Variants in GLDC observed in about 807,000 individuals in gnomAD.
GLDC encodes glycine dehydrogenase (decarboxylating), mitochondrial.
GLDC carries 104 observed loss-of-function variants against 121.3 expected under a neutral mutation model. The ratio of observed to expected loss-of-function variants is 0.86; its 90% CI spans 0.73 to 1.01. GLDC has a LOEUF of 1.01. Ranked by LOEUF, GLDC falls within the 50% of genes least tolerant of loss-of-function variation. The probability of loss-of-function intolerance (pLI) is 0.00; values close to 1 mark genes in which losing one functional copy is unlikely to be tolerated. For synonymous variants in GLDC, 546 were observed against 480.6 expected (o/e 1.14, Z -1.78); for missense variants, 1,429 against 1,306.6 (o/e 1.09, Z -1.44).
At chr9:6,597,943 A>G (rs529924641) in intron 8 of GLDC, among the ~76,000 whole-genome samples, 6 of 152,294 alleles carry the variant, frequency 3.9e-5, no homozygotes, top group East Asian at 1.9e-4. Flanking sequence ...CAAAAAAAAA[A>G]GAAATAAGAG....
intron 7 of GLDC, among the ~76,000 whole-genome samples, chr9:6,603,940 G>C (rs555591200): frequency 6.6e-6 from 1 of 151,958 alleles, no homozygotes; most frequent in African/African-American, 2.4e-5. Flanking sequence ...ATATTGGCCA[G>C]GCTCGTCTGG....
intron 2 of GLDC, among the ~76,000 whole-genome samples, chr9:6,636,632 C>A (rs1054310957): frequency 1.3e-5 from 2 of 151,978 alleles, no homozygotes; most frequent in African/African-American, 2.4e-5. Context: ...AAAAATTAGC[C>A]GGGCATGGTG....
chr9:6,539,009 A>T (rs530105714), intron 22 of GLDC, among the ~76,000 whole-genome samples: 2 of 152,212 alleles, frequency 1.3e-5, no homozygotes, highest in East Asian at 3.8e-4. Flanking sequence ...TGGGATTCCC[A>T]TTATGATGCA....
chr9:6,546,482 G>T (rs1817391660), intron 21 of GLDC, among the ~76,000 whole-genome samples: 1 of 150,974 alleles, frequency 6.6e-6, no homozygotes, highest in Non-Finnish European at 1.5e-5. Flanking sequence ...TTGCAGGCAT[G>T]AGCCACAGCA....
Position 6,558,545 on chromosome 9 carries a change from GAGA to G in GLDC, c.2052+11_2052+13del, listed in dbSNP as rs745711596. 3.7e-6 allele frequency: 6 copies of G among 1,613,984 alleles called. No homozygotes were observed. In the African/African-American group the frequency reaches 8.0e-5, roughly 22 times the overall value. On this transcript the variant is annotated intron_variant, in intron 17 of 24. Coordinates refer to ENST00000321612, the MANE Select transcript of GLDC (RefSeq NM_000170.3). ...ATCCCGGCCTCTCCCATCTGCTAAGGAGAAGACAAGTACCATGGCCTTGAGGTG... is the reference window on the plus strand; with the variant it reads ...ATCCCGGCCTCTCCCATCTGCTAAGGAGACAAGTACCATGGCCTTGAGGTG...
intron 3 of GLDC, 22 bp downstream of exon 3, chr9:6,620,162 C>A: frequency 6.2e-7 from 1 of 1,610,386 alleles, no homozygotes; most frequent in South Asian, 1.1e-5. Context: ...TCATCCTGTT[C>A]CTGAACTGAG....
chr9:6,622,759 G>C (rs1156451134), intron 2 of GLDC: 2 of 217,790 alleles, frequency 9.2e-6, no homozygotes, highest in African/African-American at 4.8e-5. Context: ...AAAGTGAGGA[G>C]CGTCTCTGCC....
At chr9:6,640,589 CTCA>C (rs1819609752) in intron 2 of GLDC, among the ~76,000 whole-genome samples, 1 of 152,236 alleles carries the variant, frequency 6.6e-6, no homozygotes, top group Non-Finnish European at 1.5e-5. Flanking sequence ...ATTCTGACAA[CTCA>C]TCTCCTCAGT....
At chr9:6,556,908 C>G (rs80296974) in intron 17 of GLDC, among the ~76,000 whole-genome samples, 61 of 152,300 alleles carry the variant, frequency 4.0e-4, no homozygotes, top group Admixed American at 3.1e-3. Context: ...GGGCCCAACT[C>G]TCTAAGGTGG....
chr9:6,638,566 C>G (rs1326568175), intron 2 of GLDC, among the ~76,000 whole-genome samples: 1 of 152,166 alleles, frequency 6.6e-6, no homozygotes, highest in African/African-American at 2.4e-5. Flanking sequence ...TTAACTCTGT[C>G]TTTCCATCCC....
At chr9:6,559,860 G>A (rs981074142) in intron 16 of GLDC, among the ~76,000 whole-genome samples, 11 of 152,030 alleles carry the variant, frequency 7.2e-5, no homozygotes, top group African/African-American at 1.7e-4. Flanking sequence ...CCCCTACCCC[G>A]GGTTCACACA....
intron 11 of GLDC, among the ~76,000 whole-genome samples, chr9:6,591,592 T>C (rs1166880563): frequency 1.3e-5 from 2 of 152,194 alleles, no homozygotes; most frequent in South Asian, 2.1e-4. Context: ...TCTTTCTTTT[T>C]TCTTTTTTTG....
chr9:6,611,348 G>A (rs956627698), intron 3 of GLDC, among the ~76,000 whole-genome samples: 2 of 152,184 alleles, frequency 1.3e-5, no homozygotes, highest in African/African-American at 4.8e-5. Context: ...ACGAGGTCAG[G>A]AGATCGAGAC....
At chr9:6,589,357 G>T (rs1200249819) in intron 11 of GLDC, 65 bp from the exon 12 acceptor site, 1 of 939,832 alleles carries the variant, frequency 1.1e-6, no homozygotes, top group Non-Finnish European at 1.8e-6. Flanking sequence ...GGACATCCAG[G>T]CTTCTGGGTG....
chr9:6,622,894 G>GC (rs1819141048), intron 2 of GLDC: 5 of 199,600 alleles, frequency 2.5e-5, no homozygotes, highest in Non-Finnish European at 5.1e-5. Flanking sequence ...CTGCCCCGCC[G>GC]CCCGGTCTGG....
chr9:6,618,884 C>A (rs1819019968), intron 3 of GLDC, among the ~76,000 whole-genome samples: 1 of 151,952 alleles, frequency 6.6e-6, no homozygotes, highest in Non-Finnish European at 1.5e-5. Context: ...TGGCTCACGC[C>A]TGTAATCCCA....
At chr9:6,535,802 TCAAA>T in intron 23 of GLDC, 1 of 502,370 alleles carries the variant, frequency 2.0e-6, no homozygotes, top group Non-Finnish European at 3.6e-6. Context: ...CTACAGTACA[TCAAA>T]CAGAGATGCA....
chr9:6,546,166 G>A (rs1300367955), intron 21 of GLDC, among the ~76,000 whole-genome samples: 2 of 151,498 alleles, frequency 1.3e-5, no homozygotes, highest in African/African-American at 4.9e-5. Flanking sequence ...TACAGATTCA[G>A]GATGCTCAAT....
At position 6,608,761 on chromosome 9, in the gene GLDC, T is replaced by C. The variant is rs193082841; in HGVS notation, c.635+1431A>G. 3.5e-3 allele frequency among the ~76,000 whole-genome samples: 523 copies of C among 151,114 alleles called. 2 individuals are homozygous for C. The highest frequency in any genetic ancestry group is 0.012 in the African/African-American group (483 of 41,260). ...ACTCCGTCTCAAATAAATAAATAAATTAATAAATAATAAATAAATAAATGA... is the reference window on the plus strand; with the variant it reads ...ACTCCGTCTCAAATAAATAAATAAACTAATAAATAATAAATAAATAAATGA... On this transcript the variant is annotated intron_variant, in intron 4 of 24. Coordinates refer to ENST00000321612, the MANE Select transcript of GLDC (RefSeq NM_000170.3).
Sources: gnomAD v4.1 joint callset for allele counts (sites outside exome capture counted in the v4.1 genomes callset) on GRCh38, gnomAD v4.1.1 for gene constraint, MANE v1.5 for transcripts, NCBI Gene and HGNC (gene_info 2026-07-23, HGNC 2026-07-21) for gene names.